Variants in DLC1 observed in about 807,000 individuals in gnomAD.
The protein encoded by DLC1 is rho GTPase-activating protein 7.
Under a neutral mutation model 140.3 loss-of-function variants are expected in DLC1, and 54 were observed. The observed-to-expected ratio is 0.38, with a 90% CI of 0.31 to 0.48. The LOEUF (loss-of-function observed/expected upper bound fraction) is 0.48, where lower values mean the gene tolerates loss of function less well. Among genes scored for constraint, DLC1 ranks in the 20% least tolerant of loss-of-function variants. The pLI is 0.96. For synonymous variants in DLC1, 986 were observed against 728.1 expected (o/e 1.35, Z -5.70); for missense variants, 2,536 against 1,907.0 (o/e 1.33, Z -6.14).
intron 4 of DLC1, among the ~76,000 whole-genome samples, chr8:13,368,256 C>T (rs1835581203): frequency 1.3e-5 from 2 of 152,192 alleles, no homozygotes; most frequent in Admixed American, 6.5e-5. Context: ...ACCATGTCTT[C>T]TATCTCCTAG....
chr8:13,305,222 A>T, intron 5 of DLC1, 47 bp downstream of exon 5: 2 of 1,602,074 alleles, frequency 1.2e-6, no homozygotes, highest in Non-Finnish European at 1.7e-6. Flanking sequence ...GGTGAAATTT[A>T]TTCTAAAATA....
intron 5 of DLC1, among the ~76,000 whole-genome samples, chr8:13,199,190 T>C (rs1188726132): frequency 6.9e-6 from 1 of 144,548 alleles, no homozygotes; most frequent in Admixed American, 6.9e-5. Context: ...TTTTTTTTTT[T>C]TTTTTTTTTT....
intron 4 of DLC1, among the ~76,000 whole-genome samples, chr8:13,347,423 G>A (rs183728949): frequency 2.6e-5 from 4 of 152,326 alleles, no homozygotes; most frequent in East Asian, 3.9e-4. Flanking sequence ...GAGGACGGGA[G>A]CAGCAGGGCT....
rs1275339858 is a variant in DLC1, at chr8:13,499,823, C to T, written c.249G>A (p.Lys83=). Residue 83 remains lysine, a synonymous_variant, in exon 2 of 18, where the codon AAG becomes AAA. Transcript: ENST00000276297. ...FPGRPMGHLS[K]DVDENDSHEG... ...CATGGCTGTCATTTTCGTCCACATC[C>T]TTTGAAAGATGACCCATTGGCCTCC... 1 of 1,614,080 alleles carries T rather than the reference C, an allele frequency of 6.2e-7. No individual in the cohort carries two copies. Among genetic ancestry groups the T allele is most frequent in the South Asian group, 1.1e-5 (1 of 91,090 alleles).
rs1004920223 is a variant in DLC1 at position 13,138,277 on chromosome 8, T to A, written c.1349-22620A>T. On this transcript the variant is annotated intron_variant, in intron 5 of 17. Transcript: ENST00000276297. ...ATTAGGGCTTAGTGGCTTGTTGACC[T>A]GTCTTAACAAGAGCTGAAAGATTTT... is the stretch of plus-strand genomic sequence containing the variant. Among the ~76,000 whole-genome samples the A allele has an allele frequency of 2.3e-4, 35 of 152,232 alleles. 1 individual carries two copies. Among genetic ancestry groups the A allele is most frequent in the African/African-American group, 8.0e-4 (33 of 41,476 alleles).
At chr8:13,193,947 G>A (rs375423729) in intron 5 of DLC1, among the ~76,000 whole-genome samples, 239 of 152,238 alleles carry the variant, frequency 1.6e-3, no homozygotes, top group African/African-American at 5.5e-3. Flanking sequence ...GCTTGATAGA[G>A]TTTCATAAAA....
At chr8:13,408,850 C>T (rs1447731643) in intron 2 of DLC1, among the ~76,000 whole-genome samples, 1 of 152,056 alleles carries the variant, frequency 6.6e-6, no homozygotes, top group Non-Finnish European at 1.5e-5. Flanking sequence ...GGTCTTAAAG[C>T]AGACAAGACT....
intron 4 of DLC1, among the ~76,000 whole-genome samples, chr8:13,319,310 G>A (rs1013298690): frequency 4.6e-5 from 7 of 152,076 alleles, no homozygotes; most frequent in African/African-American, 1.7e-4. Context: ...TCCCTGCCCC[G>A]CCCTCCACTG....
intron 2 of DLC1, among the ~76,000 whole-genome samples, chr8:13,435,118 A>G (rs1176496625): frequency 1.3e-5 from 2 of 152,236 alleles, no homozygotes; most frequent in African/African-American, 4.8e-5. Context: ...AAGAGAATTC[A>G]TGACTCATGG....
chr8:13,603,784 C>G (rs1439424740), intron 1 of DLC1, among the ~76,000 whole-genome samples: 1 of 152,068 alleles, frequency 6.6e-6, no homozygotes, highest in Non-Finnish European at 1.5e-5. Flanking sequence ...GCCATGGTAT[C>G]TGTTCATTCA....
intron 5 of DLC1, among the ~76,000 whole-genome samples, chr8:13,174,683 A>C (rs1205687582): frequency 1.3e-5 from 2 of 152,020 alleles, no homozygotes; most frequent in African/African-American, 4.8e-5. Context: ...GCATCTGTTC[A>C]TGTCCTTTGC....
intron 5 of DLC1, among the ~76,000 whole-genome samples, chr8:13,120,842 T>C (rs1821002126): frequency 6.6e-6 from 1 of 152,158 alleles, no homozygotes; most frequent in African/African-American, 2.4e-5. Flanking sequence ...TTTCCTGGCA[T>C]GACGGGATGA....
At chr8:13,471,525 G>A (rs1225765064) in intron 2 of DLC1, among the ~76,000 whole-genome samples, 1 of 149,718 alleles carries the variant, frequency 6.7e-6, no homozygotes, top group Admixed American at 6.7e-5. Context: ...AAAGGAGGGA[G>A]GGAGGGAGGG....
At chr8:13,424,846 T>A (rs1838484937) in intron 2 of DLC1, among the ~76,000 whole-genome samples, 1 of 152,170 alleles carries the variant, frequency 6.6e-6, no homozygotes, top group South Asian at 2.1e-4. Flanking sequence ...GTGCTGGGAT[T>A]ACAGGCATGA....
chr8:13,420,528 A>T (rs1168193266), intron 2 of DLC1, among the ~76,000 whole-genome samples: 1 of 152,040 alleles, frequency 6.6e-6, no homozygotes, highest in African/African-American at 2.4e-5. Flanking sequence ...CGCATGCATT[A>T]GGTATTTGTC....
At chr8:13,408,503 T>C (rs1047362008) in intron 2 of DLC1, among the ~76,000 whole-genome samples, 1 of 152,312 alleles carries the variant, frequency 6.6e-6, no homozygotes, top group African/African-American at 2.4e-5. Flanking sequence ...CCATACACAG[T>C]TTCCTGAGTA....
intron 2 of DLC1, among the ~76,000 whole-genome samples, chr8:13,446,624 G>T (rs1306613841): frequency 6.6e-6 from 1 of 151,952 alleles, no homozygotes; most frequent in Non-Finnish European, 1.5e-5. Flanking sequence ...GAGGAGGAGA[G>T]GGAAGGGAAG....
intron 5 of DLC1, among the ~76,000 whole-genome samples, chr8:13,181,324 T>C (rs79867541): frequency 0.15 from 23,303 of 150,968 alleles, 1,928 homozygotes; most frequent in South Asian, 0.2. Flanking sequence ...CTTTTTTTTT[T>C]TTCTTTCTTT....
chr8:13,416,490 A>G (rs1838065739), intron 2 of DLC1, among the ~76,000 whole-genome samples: 1 of 152,198 alleles, frequency 6.6e-6, no homozygotes, highest in Non-Finnish European at 1.5e-5. Flanking sequence ...GCCACTTTGG[A>G]TGATTCAGGA....
Sources: allele counts gnomAD v4.1 joint callset (sites outside exome capture counted in the v4.1 genomes callset), GRCh38; gene constraint gnomAD v4.1.1; transcripts MANE v1.5; gene names NCBI Gene and HGNC (gene_info 2026-07-23, HGNC 2026-07-21).